The following SNX29 variants were observed in gnomAD, a reference collection of about 807,000 sequenced individuals.
SNX29 encodes sorting nexin 29.
SNX29 carries 78 observed loss-of-function variants against 102.1 expected under a neutral mutation model. That is an observed-to-expected ratio of 0.76 (90% confidence interval 0.64 to 0.92). SNX29 has a LOEUF of 0.92. SNX29 is among the 40% of genes least tolerant of loss of function. The pLI is 0.00. For synonymous variants in SNX29, 580 were observed against 414.5 expected, an observed-to-expected ratio of 1.40 and a Z score of -4.85; for missense variants, 1,280 against 1,061.7, an observed-to-expected ratio of 1.21 and a Z score of -2.86.
intron 13 of SNX29, among the ~76,000 whole-genome samples, chr16:12,180,732 G>A (rs2076365010): frequency 1.3e-5 from 2 of 152,090 alleles, no homozygotes; most frequent in Non-Finnish European, 2.9e-5. Context: ...TGATCCACCG[G>A]CCTCGGCCTC....
intron 3 of SNX29, among the ~76,000 whole-genome samples, chr16:12,011,962 A>G (rs537067413): frequency 1.3e-5 from 2 of 152,146 alleles, no homozygotes; most frequent in African/African-American, 4.8e-5. Flanking sequence ...TTTTTTTTGT[A>G]TGACTAGACA....
At chr16:12,146,077 TA>T (rs1439732533) in intron 13 of SNX29, among the ~76,000 whole-genome samples, 2 of 152,242 alleles carry the variant, frequency 1.3e-5, no homozygotes, top group Non-Finnish European at 2.9e-5. Flanking sequence ...CTGTGATTTG[TA>T]ACGGCTGTGT....
intron 14 of SNX29, among the ~76,000 whole-genome samples, chr16:12,218,463 T>G (rs1274764580): frequency 6.6e-6 from 1 of 152,240 alleles, no homozygotes; most frequent in South Asian, 2.1e-4. Context: ...CCATATTCAT[T>G]CATTATTTCC....
intron 11 of SNX29, among the ~76,000 whole-genome samples, chr16:12,103,098 G>A (rs767912677): frequency 2.6e-5 from 4 of 152,202 alleles, no homozygotes; most frequent in Non-Finnish European, 5.9e-5. Context: ...TGCATAGGTA[G>A]AATCAATATT....
intron 20 of SNX29, among the ~76,000 whole-genome samples, chr16:12,533,853 C>G (rs557312494): frequency 2.4e-4 from 37 of 152,326 alleles, no homozygotes; most frequent in African/African-American, 8.9e-4. Flanking sequence ...TTATATAGGA[C>G]TGCAGCTAGC....
intron 14 of SNX29, among the ~76,000 whole-genome samples, chr16:12,230,759 G>A (rs1466538068): frequency 6.6e-6 from 1 of 152,184 alleles, no homozygotes; most frequent in Non-Finnish European, 1.5e-5. Context: ...TATTTGGGCT[G>A]CACGTTGGAG....
intron 19 of SNX29, among the ~76,000 whole-genome samples, chr16:12,505,572 A>G (rs2089334735): frequency 6.6e-6 from 1 of 152,202 alleles, no homozygotes; most frequent in African/African-American, 2.4e-5. Flanking sequence ...AGATAGGAAA[A>G]TGGTCACTAT....
intron 19 of SNX29, among the ~76,000 whole-genome samples, chr16:12,480,760 A>G (rs757235748): frequency 2.0e-4 from 30 of 152,208 alleles, no homozygotes; most frequent in Admixed American, 3.3e-4. Flanking sequence ...GTTTAGTGAG[A>G]TGAGGCTGAG....
chr16:12,059,643 T>G (rs1324882939), intron 8 of SNX29, among the ~76,000 whole-genome samples: 1 of 152,238 alleles, frequency 6.6e-6, no homozygotes, highest in East Asian at 1.9e-4. Context: ...AATCCCTGCC[T>G]GCGGACCAAA....
chr16:12,241,211 G>C (rs989966636), intron 14 of SNX29, among the ~76,000 whole-genome samples: 1 of 152,154 alleles, frequency 6.6e-6, no homozygotes, highest in Non-Finnish European at 1.5e-5. Context: ...GGAGTAATGA[G>C]TATTGAGTAA....
intron 11 of SNX29, among the ~76,000 whole-genome samples, chr16:12,111,870 C>T (rs1169781674): frequency 6.6e-6 from 1 of 152,082 alleles, no homozygotes; most frequent in Non-Finnish European, 1.5e-5. Context: ...ATCCGTGTCG[C>T]CTGCTTCTCT....
At chr16:12,177,271 T>G (rs556888569) in intron 13 of SNX29, among the ~76,000 whole-genome samples, 40 of 152,248 alleles carry the variant, frequency 2.6e-4, no homozygotes, top group African/African-American at 8.7e-4. Flanking sequence ...TTTTTCTCTG[T>G]TTTACTTCTG....
chr16:12,566,761 A>C (rs2079028596), intron 20 of SNX29, among the ~76,000 whole-genome samples: 1 of 152,178 alleles, frequency 6.6e-6, no homozygotes, highest in Non-Finnish European at 1.5e-5. Flanking sequence ...ACACCCACCT[A>C]AAGGAGGAAA....
chr16:12,438,294 C>T (rs949226540), intron 18 of SNX29, among the ~76,000 whole-genome samples: 4 of 152,216 alleles, frequency 2.6e-5, no homozygotes, highest in Non-Finnish European at 4.4e-5. Flanking sequence ...GGCATCAGCC[C>T]TCCTTGGGAA....
intron 18 of SNX29, among the ~76,000 whole-genome samples, chr16:12,460,681 A>G (rs2086741139): frequency 7.0e-6 from 1 of 143,654 alleles, no homozygotes; most frequent in Admixed American, 6.9e-5. Flanking sequence ...TTTTTGAGAC[A>G]GAGTCTAGCT....
intron 18 of SNX29, among the ~76,000 whole-genome samples, chr16:12,411,630 A>G (rs887890076): frequency 2.6e-5 from 4 of 152,218 alleles, no homozygotes; most frequent in Non-Finnish European, 5.9e-5. Context: ...TATGCCCAGC[A>G]TGTGCCAAAC....
intron 13 of SNX29, among the ~76,000 whole-genome samples, chr16:12,164,564 A>G (rs1323160100): frequency 1.3e-5 from 2 of 152,098 alleles, no homozygotes; most frequent in Non-Finnish European, 1.5e-5. Flanking sequence ...CTCACTTTGA[A>G]AGGGGCCATA....
At chr16:12,078,979 G>C in intron 11 of SNX29, 64 bp downstream of exon 11, 2 of 1,383,160 alleles carry the variant, frequency 1.4e-6, no homozygotes, top group South Asian at 1.3e-5. Context: ...TCTCATGGCG[G>C]TGCCTTTGTG....
intron 13 of SNX29, among the ~76,000 whole-genome samples, chr16:12,169,997 G>A (rs1285428007): frequency 3.9e-5 from 6 of 152,114 alleles, no homozygotes; most frequent in African/African-American, 1.4e-4. Context: ...TGGATAAGAA[G>A]CTCAAGTTCT....
Sources: gnomAD v4.1 joint callset for allele counts (sites outside exome capture counted in the v4.1 genomes callset) on GRCh38, gnomAD v4.1.1 for gene constraint, MANE v1.5 for transcripts, NCBI Gene and HGNC (gene_info 2026-07-23, HGNC 2026-07-21) for gene names.